DIAPH2: variants seen among roughly 807,000 people sequenced by gnomAD.
DIAPH2 encodes diaphanous related formin 2, also known as protein diaphanous homolog 2.
A neutral mutation model predicts 92.7 loss-of-function variants in DIAPH2; 35 were observed. The observed-to-expected ratio is 0.38, with a 90% confidence interval of 0.29 to 0.50. The LOEUF is 0.50. Ranked by LOEUF, DIAPH2 falls within the 20% of genes least tolerant of loss-of-function variation. The pLI is 0.94. For missense variants in DIAPH2, 701 were observed against 819.5 expected (o/e 0.86, Z 1.77); for synonymous variants, 301 against 280.4 (o/e 1.07, Z -0.73).
chrX:97,051,175 A>G (rs2066517819), intron 17 of DIAPH2, among the ~76,000 whole-genome samples: 1 of 111,988 alleles, frequency 8.9e-6, no homozygotes, highest in Non-Finnish European at 1.9e-5. Context: ...AGTCATTAAG[A>G]TTTTAATTCT....
chrX:97,019,105 G>C (rs1483440720), intron 17 of DIAPH2, among the ~76,000 whole-genome samples: 3 of 111,763 alleles, frequency 2.7e-5, no homozygotes, highest in Non-Finnish European at 5.6e-5. Context: ...GGATGTACCA[G>C]CACCTACCAA....
Position 97,063,999 on chromosome X carries a change from A to C in DIAPH2, c.2051-8942A>C, listed in dbSNP as rs1380669120. Among the ~76,000 whole-genome samples, 8 of 112,207 alleles carry C rather than the reference A, an allele frequency of 7.1e-5. No homozygotes were observed. The Admixed American group carries it at 7.5e-4, about 11-fold the overall frequency. On this transcript the variant is annotated intron_variant, in intron 17 of 26. Transcript: ENST00000324765. Reference sequence around the variant, plus strand: ...TGCAACAAACATGGTATAACTTGCAAAGCCTGAAATATTCACTATCTAGCC... The same window carrying C: ...TGCAACAAACATGGTATAACTTGCACAGCCTGAAATATTCACTATCTAGCC...
chrX:97,384,398 TG>T (rs2069579692), intron 25 of DIAPH2, among the ~76,000 whole-genome samples: 3 of 112,168 alleles, frequency 2.7e-5, no homozygotes, highest in Non-Finnish European at 5.6e-5. Flanking sequence ...TTCATTTTGT[TG>T]GCACATGTCT....
chrX:97,060,996 GCACA>G (rs10636024), intron 17 of DIAPH2, among the ~76,000 whole-genome samples: 1 of 109,313 alleles, frequency 9.1e-6, no homozygotes, highest in East Asian at 2.9e-4. Context: ...ACGTGCGCAT[GCACA>G]CACACACACA....
At chrX:96,809,604 G>C (rs768745640) in intron 4 of DIAPH2, among the ~76,000 whole-genome samples, 92 of 109,025 alleles carry the variant, frequency 8.4e-4, no homozygotes, top group Non-Finnish European at 1.6e-3. Context: ...TGCCATGTTG[G>C]TTTGCTGCAC....
At chrX:97,370,460 G>T (rs987809626) in intron 24 of DIAPH2, among the ~76,000 whole-genome samples, 5 of 111,947 alleles carry the variant, frequency 4.5e-5, no homozygotes, top group Admixed American at 1.9e-4. Context: ...GATTTTTAGT[G>T]GAACAGTACA....
At chrX:97,264,430 C>G (rs2068317509) in intron 23 of DIAPH2, among the ~76,000 whole-genome samples, 1 of 110,391 alleles carries the variant, frequency 9.1e-6, no homozygotes. Flanking sequence ...TGCATAGACA[C>G]ACAGACACAC....
At chrX:97,437,289 T>C (rs747608405) in intron 26 of DIAPH2, among the ~76,000 whole-genome samples, 10 of 112,116 alleles carry the variant, frequency 8.9e-5, no homozygotes, top group South Asian at 3.7e-4. Flanking sequence ...TAGTCTATAA[T>C]ACATTCATTA....
intron 4 of DIAPH2, among the ~76,000 whole-genome samples, chrX:96,777,394 T>A (rs2064383865): frequency 9.0e-6 from 1 of 111,554 alleles, no homozygotes; most frequent in Admixed American, 9.6e-5. Context: ...ATTTTTCTTA[T>A]TTTTGAGATG....
chrX:97,453,721 A>G (rs1392102309), intron 26 of DIAPH2, among the ~76,000 whole-genome samples: 1 of 111,908 alleles, frequency 8.9e-6, no homozygotes, highest in Non-Finnish European at 1.9e-5. Context: ...GATGATAAGG[A>G]TAATATTGAA....
At chrX:96,891,438 G>A (rs1389541578) in intron 5 of DIAPH2, among the ~76,000 whole-genome samples, 2 of 112,105 alleles carry the variant, frequency 1.8e-5, no homozygotes, top group Non-Finnish European at 3.8e-5. Context: ...GATTTAGAAT[G>A]AGGACTCTGT....
At chrX:97,419,267 G>A (rs1938318065) in intron 25 of DIAPH2, among the ~76,000 whole-genome samples, 1 of 111,387 alleles carries the variant, frequency 9.0e-6, no homozygotes, top group Non-Finnish European at 1.9e-5. Flanking sequence ...TCTAGAGCAG[G>A]GGTTGGCAAA....
intron 26 of DIAPH2, among the ~76,000 whole-genome samples, chrX:97,488,142 C>T (rs2070701825): frequency 9.0e-6 from 1 of 111,572 alleles, no homozygotes; most frequent in African/African-American, 3.3e-5. Context: ...TACAGGCCTG[C>T]ACCACCATGC....
chrX:97,035,660 G>A (rs1369333132), intron 17 of DIAPH2, among the ~76,000 whole-genome samples: 1 of 111,684 alleles, frequency 9.0e-6, no homozygotes, highest in Non-Finnish European at 1.9e-5. Context: ...TCAGTTTGTT[G>A]GGTATTCTAA....
intron 21 of DIAPH2, among the ~76,000 whole-genome samples, chrX:97,131,074 C>G (rs934587485): frequency 2.2e-4 from 24 of 109,699 alleles, no homozygotes; most frequent in African/African-American, 7.0e-4. Context: ...CCACTGCACT[C>G]CAGCCTAGGT....
intron 25 of DIAPH2, among the ~76,000 whole-genome samples, chrX:97,391,419 G>A (rs750186102): frequency 1.1e-4 from 12 of 111,494 alleles, no homozygotes; most frequent in South Asian, 3.8e-4. Context: ...CTCTTCCACC[G>A]AAAGAGAGAT....
chrX:97,285,100 A>C (rs2068529364), intron 23 of DIAPH2, among the ~76,000 whole-genome samples: 1 of 111,867 alleles, frequency 8.9e-6, no homozygotes, highest in Admixed American at 9.6e-5. Flanking sequence ...GCCAACTGGA[A>C]AATGTTTATA....
At chrX:97,006,387 C>G (rs1272243356) in intron 17 of DIAPH2, among the ~76,000 whole-genome samples, 1 of 112,181 alleles carries the variant, frequency 8.9e-6, no homozygotes, top group Non-Finnish European at 1.9e-5. Flanking sequence ...GTTGAAGTCT[C>G]TAGCTATTAT....
At chrX:96,980,062 T>C (rs1014569578) in intron 17 of DIAPH2, among the ~76,000 whole-genome samples, 1 of 111,094 alleles carries the variant, frequency 9.0e-6, no homozygotes, top group African/African-American at 3.3e-5. Flanking sequence ...GAAGGAGTGT[T>C]ACAGGCAAAG....
Sources: gnomAD v4.1 joint callset for allele counts (sites outside exome capture counted in the v4.1 genomes callset) on GRCh38, gnomAD v4.1.1 for gene constraint, MANE v1.5 for transcripts, NCBI Gene and HGNC (gene_info 2026-07-23, HGNC 2026-07-21) for gene names.